PRELID2: variants seen among roughly 807,000 people sequenced by gnomAD.
PRELID2 encodes PRELI domain containing 2.
Under a neutral mutation model 28.4 loss-of-function variants are expected in PRELID2, and 25 were observed. The observed-to-expected ratio is 0.88, with a 90% CI of 0.64 to 1.23. The LOEUF (loss-of-function observed/expected upper bound fraction) is 1.23. Among genes scored for constraint, PRELID2 ranks in the 50% most tolerant of loss-of-function variants. The pLI is 0.00. For synonymous variants in PRELID2, 76 were observed against 71.6 expected (o/e 1.06, Z -0.31); for missense variants, 201 against 214.4 (o/e 0.94, Z 0.39).
chr5:145,725,291 G>T (rs1419090143), intron 1 of PRELID2, among the ~76,000 whole-genome samples: 1 of 152,052 alleles, frequency 6.6e-6, no homozygotes, highest in South Asian at 2.1e-4. Flanking sequence ...AAAACAATGA[G>T]ACAGCACTTC....
the PRELID2 span, among the ~76,000 whole-genome samples, chr5:145,243,851 A>C: frequency 1.3e-5 from 2 of 152,122 alleles, no homozygotes; most frequent in Admixed American, 6.6e-5. Context: ...AAAGAAGATC[A>C]TACATTTTTC....
At chr5:145,450,089 G>A in the PRELID2 span, among the ~76,000 whole-genome samples, 7 of 152,190 alleles carry the variant, frequency 4.6e-5, no homozygotes, top group Non-Finnish European at 7.4e-5. Flanking sequence ...AAAAAGCTGC[G>A]CCTGAGCAAA....
At chr5:145,789,724 A>C (rs1166077024) in intron 5 of PRELID2, among the ~76,000 whole-genome samples, 1 of 152,214 alleles carries the variant, frequency 6.6e-6, no homozygotes, top group Non-Finnish European at 1.5e-5. Context: ...TTGGAAGAAA[A>C]TATCTACAAA....
chr5:145,651,173 C>A (rs1256395939), intron 1 of PRELID2, among the ~76,000 whole-genome samples: 1 of 152,178 alleles, frequency 6.6e-6, no homozygotes, highest in Non-Finnish European at 1.5e-5. Context: ...GCACAGCAGT[C>A]TGAGATCGAA....
chr5:145,355,992 G>A, the PRELID2 span, among the ~76,000 whole-genome samples: 4 of 152,086 alleles, frequency 2.6e-5, no homozygotes. Flanking sequence ...ATTGAAAAGA[G>A]TAATTTCTAT....
chr5:145,309,926 A>G, the PRELID2 span, among the ~76,000 whole-genome samples: 1 of 152,212 alleles, frequency 6.6e-6, no homozygotes, highest in Non-Finnish European at 1.5e-5. Context: ...GACCAACTGG[A>G]GTAGTCTGTT....
At chr5:145,233,195 G>A in the PRELID2 span, among the ~76,000 whole-genome samples, 67 of 152,168 alleles carry the variant, frequency 4.4e-4, no homozygotes, top group African/African-American at 1.5e-3. Context: ...TGTGCAAGAG[G>A]CAGAACATAA....
In PRELID2 at chr5:145,604,101, T is replaced by C. The variant is rs184953761; in HGVS notation, n.71-130786A>G. On this transcript the variant is annotated intron_variant and non_coding_transcript_variant, in intron 1 of 2. Transcript: ENST00000510259. ...AATTATATTTATATTTTTCTCTTTA[T>C]TATTAACTTTTAGGTTCAGGGGTAC... Among the ~76,000 whole-genome samples the C allele has an allele frequency of 1.9e-4, 29 of 152,196 alleles. No individual in the cohort carries two copies. The East Asian group carries it at 3.3e-3, about 17-fold the overall frequency.
chr5:145,532,856 TCACCTGTCGATGCA>T (rs1752665968), intron 1 of PRELID2, among the ~76,000 whole-genome samples: 1 of 152,132 alleles, frequency 6.6e-6, no homozygotes, highest in Admixed American at 6.6e-5. Context: ...CTTTATCCAT[TCACCTGTCGATGCA>T]CACTTGGGTT....
At chr5:145,386,724 A>G in the PRELID2 span, among the ~76,000 whole-genome samples, 3 of 152,228 alleles carry the variant, frequency 2.0e-5, no homozygotes, top group African/African-American at 7.2e-5. Context: ...GACAGAAATT[A>G]TAGCTTAATA....
the PRELID2 span, among the ~76,000 whole-genome samples, chr5:145,336,392 T>C: frequency 3.3e-5 from 5 of 151,372 alleles, no homozygotes; most frequent in Non-Finnish European, 4.4e-5. Flanking sequence ...TCTTCTAGGG[T>C]TTTTATGGTT....
chr5:145,410,263 T>C, the PRELID2 span, among the ~76,000 whole-genome samples: 1 of 152,190 alleles, frequency 6.6e-6, no homozygotes, highest in African/African-American at 2.4e-5. Context: ...AAATAGTTTA[T>C]GACCAAGAAT....
At chr5:145,819,638 G>C in intron 3 of PRELID2, 1 of 575,136 alleles carries the variant, frequency 1.7e-6, no homozygotes, top group South Asian at 2.3e-5. Flanking sequence ...TCACCTAAGA[G>C]TAATTTCTAA....
the PRELID2 span, among the ~76,000 whole-genome samples, chr5:145,274,522 T>C: frequency 6.6e-6 from 1 of 152,178 alleles, no homozygotes; most frequent in Non-Finnish European, 1.5e-5. Context: ...ATATAGATAC[T>C]TGGGATAGGC....
At chr5:145,781,632 T>TAC (rs1204786326) in intron 5 of PRELID2, among the ~76,000 whole-genome samples, 1 of 137,292 alleles carries the variant, frequency 7.3e-6, no homozygotes, top group Non-Finnish European at 1.5e-5. Context: ...ACTATATATA[T>TAC]ACACACTATA....
At chr5:145,339,410 G>T in the PRELID2 span, among the ~76,000 whole-genome samples, 1 of 152,154 alleles carries the variant, frequency 6.6e-6, no homozygotes, top group Non-Finnish European at 1.5e-5. Flanking sequence ...GTCTTTTACA[G>T]TGTTAGCTAT....
At chr5:145,619,960 T>G (rs1427309409) in intron 1 of PRELID2, among the ~76,000 whole-genome samples, 3 of 152,206 alleles carry the variant, frequency 2.0e-5, no homozygotes, top group Non-Finnish European at 2.9e-5. Context: ...TCTGAAAATT[T>G]CAAGTATTGA....
intron 1 of PRELID2, among the ~76,000 whole-genome samples, chr5:145,480,430 C>A (rs1054696133): frequency 6.6e-6 from 1 of 152,076 alleles, no homozygotes; most frequent in Non-Finnish European, 1.5e-5. Context: ...ATATTAACCA[C>A]GTGCAAAATT....
chr5:145,245,965 G>A, the PRELID2 span, among the ~76,000 whole-genome samples: 1 of 151,760 alleles, frequency 6.6e-6, no homozygotes, highest in African/African-American at 2.4e-5. Context: ...GAATCCTCTG[G>A]AAAGAGGACA....
Sources: allele counts gnomAD v4.1 joint callset (sites outside exome capture counted in the v4.1 genomes callset), GRCh38; gene constraint gnomAD v4.1.1; transcripts MANE v1.5; gene names NCBI Gene and HGNC (gene_info 2026-07-23, HGNC 2026-07-21).